The following TFEC variants were observed in gnomAD, a reference collection of about 807,000 sequenced individuals.
TFEC encodes the protein transcription factor EC.
A neutral mutation model predicts 41.6 loss-of-function variants in TFEC; 31 were observed. The observed-to-expected ratio is 0.74, with a 90% CI of 0.56 to 1.01. The LOEUF (loss-of-function observed/expected upper bound fraction) is 1.01, where lower values mean the gene tolerates loss of function less well. Among genes scored for constraint, TFEC ranks in the 50% least tolerant of loss-of-function variants. The pLI is 0.00. For synonymous variants in TFEC, 143 were observed against 140.6 expected (o/e 1.02, Z -0.12); for missense variants, 402 against 404.1 (o/e 0.99, Z 0.04).
intron 2 of TFEC, among the ~76,000 whole-genome samples, 194 bp from the exon 3 acceptor site, chr7:115,974,450 A>ATATATATAT (rs1491505885): frequency 1.8e-4 from 5 of 28,080 alleles, no homozygotes; most frequent in Non-Finnish European, 2.7e-4. Context: ...ATATATATAT[A>ATATATATAT]AAAACACAGA....
At chr7:116,095,511 T>C (rs1343456162) in intron 3 of TFEC, among the ~76,000 whole-genome samples, 1 of 152,198 alleles carries the variant, frequency 6.6e-6, no homozygotes, top group Non-Finnish European at 1.5e-5. Context: ...ATGTGACTAA[T>C]ACAAATGCTG....
At chr7:116,117,519 C>T (rs1021501632) in intron 1 of TFEC, 2 of 151,722 alleles carry the variant, frequency 1.3e-5, no homozygotes, top group African/African-American at 4.8e-5. Flanking sequence ...ATTTCAATGA[C>T]CGTGTCAAGC....
At chr7:115,943,763 T>C (rs1468158885) in intron 6 of TFEC, among the ~76,000 whole-genome samples, 1 of 151,604 alleles carries the variant, frequency 6.6e-6, no homozygotes, top group African/African-American at 2.4e-5. Context: ...TAGTTGATGC[T>C]GGCCCTTCAT....
At chr7:115,968,404 A>G in intron 3 of TFEC, 1 of 1,042,314 alleles carries the variant, frequency 9.6e-7, no homozygotes, top group Non-Finnish European at 1.3e-6. Context: ...CAGTCCTTTC[A>G]AGTTCCAACC....
chr7:116,098,379 G>T (rs1275895656), intron 3 of TFEC, among the ~76,000 whole-genome samples: 1 of 151,972 alleles, frequency 6.6e-6, no homozygotes, highest in Non-Finnish European at 1.5e-5. Context: ...GACTGGTCTC[G>T]GCGTGAACCA....
intron 3 of TFEC, among the ~76,000 whole-genome samples, chr7:116,093,825 T>C (rs1267924921): frequency 6.6e-6 from 1 of 152,202 alleles, no homozygotes; most frequent in Non-Finnish European, 1.5e-5. Context: ...AAAGTTAGTA[T>C]AGACATAACC....
At chr7:116,002,309 T>C (rs1213356832) in intron 1 of TFEC, among the ~76,000 whole-genome samples, 2 of 152,172 alleles carry the variant, frequency 1.3e-5, no homozygotes, top group Non-Finnish European at 2.9e-5. Flanking sequence ...ATGAAGAAAA[T>C]GTGGTACATA....
At chr7:115,960,377 C>T (rs1434421982) in intron 3 of TFEC, among the ~76,000 whole-genome samples, 1 of 151,582 alleles carries the variant, frequency 6.6e-6, no homozygotes, top group East Asian at 1.9e-4. Context: ...TAAAGACTAA[C>T]ACTGGAAAAA....
chr7:115,968,719 T>A (rs1341869846), intron 3 of TFEC, among the ~76,000 whole-genome samples: 1 of 151,788 alleles, frequency 6.6e-6, no homozygotes, highest in Non-Finnish European at 1.5e-5. Flanking sequence ...GATTCTATAG[T>A]TCTATGCAAT....
chr7:116,109,697 C>T (rs530225324), intron 3 of TFEC, among the ~76,000 whole-genome samples: 94 of 152,296 alleles, frequency 6.2e-4, no homozygotes, highest in Non-Finnish European at 1.2e-3. Flanking sequence ...ACTAGAAATA[C>T]CATTTGGCCC....
chr7:116,138,481 G>A (rs145905198), intron 1 of TFEC, among the ~76,000 whole-genome samples: 31 of 152,142 alleles, frequency 2.0e-4, no homozygotes, highest in African/African-American at 6.5e-4. Flanking sequence ...GAGATAACTC[G>A]GTCAAATGAT....
intron 1 of TFEC, among the ~76,000 whole-genome samples, chr7:116,128,916 A>G (rs1009591442): frequency 9.9e-5 from 15 of 152,202 alleles, no homozygotes; most frequent in African/African-American, 3.6e-4. Flanking sequence ...AAGAATAGAA[A>G]CAGAAAAAGA....
chr7:116,039,700 A>C lies in TFEC; in HGVS notation c.199-55187T>G, dbSNP rs1429256232. ...GGGTAATAAAACCAGAGAGATAGAAAAAAAGAAATGAGTTAAAATATTTTT... is the reference window on the plus strand; with the variant it reads ...GGGTAATAAAACCAGAGAGATAGAACAAAAGAAATGAGTTAAAATATTTTT... On this transcript the variant is annotated intron_variant, in intron 3 of 8. Transcript: ENST00000484212. Among the ~76,000 whole-genome samples, 8 of 152,228 alleles carry C rather than the reference A, an allele frequency of 5.3e-5. No homozygotes were observed. In the South Asian group the frequency reaches 1.7e-3, roughly 32 times the overall value.
At chr7:115,972,097 T>C in intron 3 of TFEC, among the ~76,000 whole-genome samples, 1 of 152,076 alleles carries the variant, frequency 6.6e-6, no homozygotes, top group South Asian at 2.1e-4. Context: ...GTACATTCTC[T>C]TTTTTCTCAC....
chr7:116,011,165 C>T (rs1212376950), intron 1 of TFEC, among the ~76,000 whole-genome samples: 1 of 152,130 alleles, frequency 6.6e-6, no homozygotes. Flanking sequence ...TTAGGCCCTT[C>T]TGGGGGTGTC....
At chr7:116,118,667 C>T (rs934425486) in intron 1 of TFEC, among the ~76,000 whole-genome samples, 4 of 151,688 alleles carry the variant, frequency 2.6e-5, no homozygotes, top group African/African-American at 9.7e-5. Flanking sequence ...AACACTTTTC[C>T]TCTAACAAAA....
At chr7:116,032,407 C>T (rs570684699), upstream of TFEC, among the ~76,000 whole-genome samples, 14 of 151,960 alleles carry the variant, frequency 9.2e-5, no homozygotes, top group Admixed American at 2.6e-4. Context: ...GCACTATTCA[C>T]GGAGGAAAGA....
chr7:116,122,431 G>A (rs1046241325), intron 1 of TFEC, among the ~76,000 whole-genome samples: 3 of 151,980 alleles, frequency 2.0e-5, no homozygotes, highest in African/African-American at 4.8e-5. Flanking sequence ...ACCTGCTCCC[G>A]TAACACTGAA....
chr7:116,098,401 C>T (rs542603049), intron 3 of TFEC, among the ~76,000 whole-genome samples: 6 of 152,086 alleles, frequency 3.9e-5, no homozygotes, highest in African/African-American at 1.2e-4. Flanking sequence ...TGCGCCCAGC[C>T]GCAACCAAGA....
Sources: gnomAD v4.1 joint callset for allele counts (sites outside exome capture counted in the v4.1 genomes callset) on GRCh38, gnomAD v4.1.1 for gene constraint, MANE v1.5 for transcripts, NCBI Gene and HGNC (gene_info 2026-07-23, HGNC 2026-07-21) for gene names.